The following GULP1 variants were observed in gnomAD, a reference collection of about 807,000 sequenced individuals.
The protein encoded by GULP1 is PTB domain-containing engulfment adapter protein 1.
In GULP1, 19 loss-of-function variants were observed where a neutral mutation model predicts 40.9. That is an observed-to-expected ratio of 0.46 (90% confidence interval 0.32 to 0.68). The LOEUF is 0.68. Ranked by LOEUF, GULP1 falls within the 30% of genes least tolerant of loss-of-function variation. The probability of loss-of-function intolerance (pLI) is 0.03; values close to 1 mark genes in which losing one functional copy is unlikely to be tolerated. For missense variants in GULP1, 312 were observed against 362.2 expected (o/e 0.86, Z 1.12); for synonymous variants, 119 against 117.6 (o/e 1.01, Z -0.08).
At position 188,500,630 on chromosome 2, in the gene GULP1, A is replaced by G. The variant is rs934954437; in HGVS notation, c.90+17138A>G. ...ATAAGTACCAGTTTTCCAATGAAAT[A>G]GAAATGCCTCTCTTAAGCTGTTCTT... On this transcript the variant is annotated intron_variant, in intron 4 of 11. Transcript: ENST00000409830. 2.0e-5 allele frequency among the ~76,000 whole-genome samples: 3 copies of G among 151,974 alleles called. 1 individual carries two copies. The highest frequency in any genetic ancestry group is 4.4e-5 in the Non-Finnish European group (3 of 67,920).
chr2:188,544,444 G>A (rs937531303), intron 7 of GULP1, among the ~76,000 whole-genome samples: 3 of 151,862 alleles, frequency 2.0e-5, no homozygotes, highest in African/African-American at 4.8e-5. Context: ...GCTAAATGAC[G>A]AGTTAATGGG....
chr2:188,587,589 A>G (rs1341257723), intron 10 of GULP1, among the ~76,000 whole-genome samples: 1 of 152,130 alleles, frequency 6.6e-6, no homozygotes, highest in African/African-American at 2.4e-5. Context: ...TGAATTTGAC[A>G]TTAAGAAATC....
At chr2:188,441,497 T>C (rs1272657143) in intron 2 of GULP1, among the ~76,000 whole-genome samples, 1 of 152,162 alleles carries the variant, frequency 6.6e-6, no homozygotes, top group Admixed American at 6.5e-5. Context: ...GCTAGGACTC[T>C]TATCAACCTT....
chr2:188,512,523 G>A (rs1035484296), intron 4 of GULP1, among the ~76,000 whole-genome samples: 34 of 151,982 alleles, frequency 2.2e-4, no homozygotes, highest in African/African-American at 5.5e-4. Context: ...GTTAGACTTC[G>A]TAACTCTTTA....
At chr2:188,533,944 A>G (rs937186248) in intron 6 of GULP1, among the ~76,000 whole-genome samples, 1 of 152,186 alleles carries the variant, frequency 6.6e-6, no homozygotes, top group Non-Finnish European at 1.5e-5. Flanking sequence ...AATCACCACC[A>G]TGCAGAATAA....
intron 5 of GULP1, among the ~76,000 whole-genome samples, chr2:188,525,314 C>A (rs1015300398): frequency 6.6e-6 from 1 of 151,982 alleles, no homozygotes; most frequent in Non-Finnish European, 1.5e-5. Context: ...TCACTTGAAC[C>A]TGGGAAGCAG....
chr2:188,528,248 T>A (rs2153232766), intron 5 of GULP1, among the ~76,000 whole-genome samples: 1 of 152,220 alleles, frequency 6.6e-6, no homozygotes, highest in African/African-American at 2.4e-5. Context: ...ATACTATATA[T>A]ATGTTGTGTT....
chr2:188,408,912 GA>G (rs1227096428), intron 2 of GULP1, among the ~76,000 whole-genome samples: 1 of 151,954 alleles, frequency 6.6e-6, no homozygotes, highest in Non-Finnish European at 1.5e-5. Flanking sequence ...GGTCAAAAAA[GA>G]AATTGAAAAT....
chr2:188,582,407 A>T (rs1375964109), intron 9 of GULP1: 1 of 471,488 alleles, frequency 2.1e-6, no homozygotes, highest in East Asian at 7.0e-5. Flanking sequence ...TTTCTGGCGT[A>T]GTAATGGTGA....
chr2:188,437,316 A>C (rs1382903281), intron 2 of GULP1, among the ~76,000 whole-genome samples: 1 of 152,042 alleles, frequency 6.6e-6, no homozygotes, highest in East Asian at 1.9e-4. Flanking sequence ...TCTAATTGGC[A>C]GTTGTACATA....
intron 2 of GULP1, among the ~76,000 whole-genome samples, chr2:188,440,296 T>C (rs1298312699): frequency 1.3e-5 from 2 of 152,202 alleles, no homozygotes; most frequent in African/African-American, 2.4e-5. Context: ...AATGCTAAAC[T>C]TAACTGTAGA....
chr2:188,482,569 A>G (rs1220797701), intron 3 of GULP1, among the ~76,000 whole-genome samples: 1 of 151,846 alleles, frequency 6.6e-6, no homozygotes, highest in Non-Finnish European at 1.5e-5. Context: ...GATTCAAAAA[A>G]AGCCAATCTG....
At chr2:188,408,788 A>C (rs188490007) in intron 2 of GULP1, among the ~76,000 whole-genome samples, 4 of 152,356 alleles carry the variant, frequency 2.6e-5, no homozygotes, top group Admixed American at 2.6e-4. Flanking sequence ...AGTGATAACA[A>C]ATTTAAGAAG....
intron 1 of GULP1, among the ~76,000 whole-genome samples, chr2:188,375,409 G>A (rs1467041003): frequency 2.0e-5 from 3 of 152,176 alleles, no homozygotes; most frequent in African/African-American, 4.8e-5. Flanking sequence ...CACAGGACTG[G>A]AAAAATTAAA....
chr2:188,551,682 G>T (rs1482019042), intron 7 of GULP1, among the ~76,000 whole-genome samples: 1 of 151,634 alleles, frequency 6.6e-6, no homozygotes, highest in Non-Finnish European at 1.5e-5. Context: ...CATTTGGATG[G>T]ATACCCAGTA....
At chr2:188,527,268 G>T (rs1686409226) in intron 5 of GULP1, among the ~76,000 whole-genome samples, 1 of 152,158 alleles carries the variant, frequency 6.6e-6, no homozygotes, top group African/African-American at 2.4e-5. Flanking sequence ...GCTTGAGTCT[G>T]GATGTGGAAG....
chr2:188,318,127 G>C (rs1426808012), intron 1 of GULP1, among the ~76,000 whole-genome samples: 2 of 152,092 alleles, frequency 1.3e-5, no homozygotes, highest in African/African-American at 4.8e-5. Context: ...AATAAATGAG[G>C]AAAATCAGTC....
chr2:188,417,210 A>G (rs2054700942), intron 2 of GULP1, among the ~76,000 whole-genome samples: 1 of 152,164 alleles, frequency 6.6e-6, no homozygotes, highest in African/African-American at 2.4e-5. Flanking sequence ...CTCTCTTAGG[A>G]CATGATGTGG....
chr2:188,301,923 G>A (rs1256056126), intron 1 of GULP1, among the ~76,000 whole-genome samples: 2 of 152,096 alleles, frequency 1.3e-5, no homozygotes, highest in Non-Finnish European at 2.9e-5. Context: ...GAATCATTGG[G>A]TTCTTGACTC....
Sources: allele counts gnomAD v4.1 joint callset (sites outside exome capture counted in the v4.1 genomes callset), GRCh38; gene constraint gnomAD v4.1.1; transcripts MANE v1.5; gene names NCBI Gene and HGNC (gene_info 2026-07-23, HGNC 2026-07-21).